Variants in PNPLA7 observed in about 807,000 individuals in gnomAD.
PNPLA7 encodes patatin-like phospholipase domain-containing protein 7.
PNPLA7 carries 153 observed loss-of-function variants against 161.7 expected under a neutral mutation model. The ratio of observed to expected loss-of-function variants is 0.95; its 90% confidence interval spans 0.83 to 1.08. The LOEUF (loss-of-function observed/expected upper bound fraction) is 1.08, where lower values mean the gene tolerates loss of function less well. PNPLA7 is among the 50% of genes least tolerant of loss of function. PNPLA7 has a pLI of 0.00. For missense variants in PNPLA7, 1,739 were observed against 1,856.6 expected (o/e 0.94, Z 1.16); for synonymous variants, 809 against 782.1 (o/e 1.03, Z -0.57).
In PNPLA7 at chr9:137,546,817, G is replaced by C. The variant is rs372629739; in HGVS notation, c.273+13C>G. 5 of 1,613,316 alleles carry C rather than the reference G, an allele frequency of 3.1e-6. No homozygotes were observed. The highest frequency in any genetic ancestry group is 4.2e-6 in the Non-Finnish European group (5 of 1,179,922). On this transcript the variant is annotated intron_variant, in intron 4 of 34. Coordinates refer to ENST00000406427, the MANE Select transcript of PNPLA7 (RefSeq NM_001098537.3). ...GAAGCCGTGTGCAGCCTGGGGCCCC[G>C]AGCAACAGCTACCTTCCTCATGATC...
At chr9:137,481,738 C>T (rs1391241813) in intron 21 of PNPLA7, among the ~76,000 whole-genome samples, 3 of 152,142 alleles carry the variant, frequency 2.0e-5, no homozygotes, top group Admixed American at 6.5e-5. Context: ...CAAGGGATCA[C>T]GAGGTCAGGA....
rs989180497 is a variant in PNPLA7 at position 137,543,350 on chromosome 9, G to A, written c.506+82C>T. 1.3e-6 allele frequency: 2 copies of A among 1,566,312 alleles called. No individual in the cohort carries two copies. Among genetic ancestry groups the A allele is most frequent in the Middle Eastern group, 2.0e-4 (1 of 5,106 alleles). ...GCCAACCATTCCCCCAACACAAGAC[G>A]GCCAAGCTGGAGCCAGGCCCCAGCG... is the stretch of plus-strand genomic sequence containing the variant. On this transcript the variant is annotated intron_variant, in intron 6 of 34. Coordinates refer to ENST00000406427, the MANE Select transcript of PNPLA7 (RefSeq NM_001098537.3). This position sits in a 1 kb window ranked among gnomAD's most constrained non-coding sequence, Gnocchi z 6.9.
At chr9:137,494,254 C>T (rs374849968) in intron 19 of PNPLA7, among the ~76,000 whole-genome samples, 12 of 152,250 alleles carry the variant, frequency 7.9e-5, no homozygotes, top group African/African-American at 2.2e-4. Context: ...CCGAGCAGCC[C>T]GCCCTGTCCT....
chr9:137,512,220 C>G (rs1312492726), intron 12 of PNPLA7, among the ~76,000 whole-genome samples: 1 of 152,276 alleles, frequency 6.6e-6, no homozygotes. Context: ...GCAGCCCCAA[C>G]AGAAATGTGT....
At chr9:137,515,290 G>A (rs1834470135) in intron 12 of PNPLA7, 89 bp downstream of exon 12, 52 of 1,495,106 alleles carry the variant, frequency 3.5e-5, no homozygotes, top group South Asian at 2.8e-4. Context: ...CCTCGGCGGC[G>A]ATGCTGGGCA....
In PNPLA7 at chr9:137,484,626, C is replaced by T. The variant is rs149697052; in HGVS notation, c.2308G>A (p.Ala770Thr). Reference sequence around the variant, plus strand: ...GCATGCTCCAGCTCCAGGGCGAAGGCGGTGAGGGGCACTTCCTCTGACACG... The same window carrying T: ...GCATGCTCCAGCTCCAGGGCGAAGGTGGTGAGGGGCACTTCCTCTGACACG... ...MPVSEEVPLT[A>T]FALELEHALS... is the part of the protein sequence containing the mutation. Residue 770 changes from alanine (A) to threonine (T), a missense_variant, in exon 21 of 35, where the codon GCC (alanine) becomes ACC (threonine). Transcript: ENST00000406427. The T allele has an allele frequency of 7.1e-5, 114 of 1,611,874 alleles. No homozygotes were observed. The highest frequency in any genetic ancestry group is 1.6e-4 in the Middle Eastern group (1 of 6,070).
intron 20 of PNPLA7, chr9:137,492,031 G>T: frequency 2.0e-6 from 2 of 985,426 alleles, no homozygotes; most frequent in Non-Finnish European, 2.4e-6. Flanking sequence ...GGAGAGAGGA[G>T]CTCCCAGAAT....
chr9:137,493,171 C>T (rs1832864219), intron 19 of PNPLA7, 89 bp from the exon 20 acceptor site: 1 of 1,352,910 alleles, frequency 7.4e-7, no homozygotes, highest in African/African-American at 1.4e-5. Context: ...AACAGCGAGA[C>T]TCAGCCAATG....
chr9:137,538,280 C>T (rs1028415265), intron 8 of PNPLA7, among the ~76,000 whole-genome samples: 7 of 152,080 alleles, frequency 4.6e-5, no homozygotes, highest in African/African-American at 1.7e-4. Context: ...GGGAGCACAA[C>T]GAGATGCCGA....
In PNPLA7 at chr9:137,495,147, C is replaced by T; in HGVS notation, c.2014-1G>A. 6 of 1,592,846 alleles carry T rather than the reference C, an allele frequency of 3.8e-6. No individual in the cohort carries two copies. The highest frequency in any genetic ancestry group is 5.1e-6 in the Non-Finnish European group (6 of 1,171,490). On this transcript the variant is annotated splice_acceptor_variant, in intron 18 of 34. Transcript: ENST00000406427. LOFTEE classifies it high-confidence loss of function. ...GGGCCTGGTGGGTCAGTGTCTCCACCTGAGGACAGGAGCCGGCTGCTGGGG... is the reference window on the plus strand; with the variant it reads ...GGGCCTGGTGGGTCAGTGTCTCCACTTGAGGACAGGAGCCGGCTGCTGGGG...
chr9:137,540,731 G>T lies in PNPLA7; in HGVS notation c.667-9C>A. ...ACCACCTCGGTGCCGTCCTGCGCTT[G>T]GAGAGCAGAGTGGGTGCCGTCAGGT... On this transcript the variant is annotated splice_polypyrimidine_tract_variant and intron_variant, in intron 7 of 34. Coordinates refer to ENST00000406427, the MANE Select transcript of PNPLA7 (RefSeq NM_001098537.3). This position sits in a 1 kb window ranked among gnomAD's most constrained non-coding sequence, Gnocchi z 5.1. 1 of 1,605,220 alleles carries T rather than the reference G, an allele frequency of 6.2e-7. No homozygotes were observed. Among genetic ancestry groups the T allele is most frequent in the East Asian group, 2.2e-5 (1 of 44,610 alleles).
chr9:137,535,953 C>G (rs1835864822), intron 8 of PNPLA7, among the ~76,000 whole-genome samples: 1 of 151,730 alleles, frequency 6.6e-6, no homozygotes, highest in Non-Finnish European at 1.5e-5. Context: ...GAGATCGAGA[C>G]CATCCTGGCT....
intron 12 of PNPLA7, chr9:137,508,794 C>A (rs185481588): frequency 6.6e-6 from 1 of 151,826 alleles, no homozygotes; most frequent in African/African-American, 2.4e-5. Context: ...GACACCACTA[C>A]GATAGTAAAA....
At position 137,521,726 on chromosome 9, in the gene PNPLA7, C is replaced by T. The variant is rs1428727244; in HGVS notation, c.877-10G>A. The T allele has an allele frequency of 6.2e-7, 1 of 1,608,466 alleles. No individual in the cohort carries two copies. Among genetic ancestry groups the T allele is most frequent in the African/African-American group, 1.3e-5 (1 of 75,008 alleles). On this transcript the variant is annotated splice_polypyrimidine_tract_variant and intron_variant, in intron 9 of 34. Coordinates refer to ENST00000406427, the MANE Select transcript of PNPLA7 (RefSeq NM_001098537.3). Reference sequence around the variant, plus strand: ...GCCGCACCATGATGATCTGCAAGAACACGCCAGCTGCGCGGTGACCACCGG... The same window carrying T: ...GCCGCACCATGATGATCTGCAAGAATACGCCAGCTGCGCGGTGACCACCGG...
At chr9:137,546,739 A>G in intron 4 of PNPLA7, 91 bp downstream of exon 4, 1 of 1,227,818 alleles carries the variant, frequency 8.1e-7, no homozygotes, top group Non-Finnish European at 1.2e-6. Context: ...AGCACTGCCC[A>G]GCCTGGGGGA....
In PNPLA7 at chr9:137,501,318, C is replaced by A. The variant is rs1268105392; in HGVS notation, c.1551+332G>T. ...CACGCCACGCGTTTTGGTCCCACATCTGCAGATGTACCCATGAAACCACTC... is the reference window on the plus strand; with the variant it reads ...CACGCCACGCGTTTTGGTCCCACATATGCAGATGTACCCATGAAACCACTC... On this transcript the variant is annotated intron_variant, in intron 15 of 34. Coordinates refer to ENST00000406427, the MANE Select transcript of PNPLA7 (RefSeq NM_001098537.3). 4.6e-5 allele frequency among the ~76,000 whole-genome samples: 7 copies of A among 152,246 alleles called. No homozygotes were observed. The East Asian group carries it at 1.2e-3, about 25-fold the overall frequency.
At chr9:137,489,816 A>AG (rs779983601) in intron 20 of PNPLA7, among the ~76,000 whole-genome samples, 9 of 152,202 alleles carry the variant, frequency 5.9e-5, no homozygotes, top group Non-Finnish European at 1.0e-4. Context: ...CATCAGAGAG[A>AG]GAAAAAAAAG....
intron 25 of PNPLA7, among the ~76,000 whole-genome samples, chr9:137,471,703 G>T (rs116828006): frequency 6.6e-6 from 1 of 151,728 alleles, no homozygotes. Flanking sequence ...ACTGAAGACC[G>T]CAAATCATGG....
At chr9:137,474,783 C>A (rs537611897) in intron 25 of PNPLA7, among the ~76,000 whole-genome samples, 104 of 146,746 alleles carry the variant, frequency 7.1e-4, no homozygotes, top group Non-Finnish European at 1.4e-3. Flanking sequence ...GAGGCCAAGG[C>A]AGGCGGATCA....
Sources: allele counts gnomAD v4.1 joint callset (sites outside exome capture counted in the v4.1 genomes callset), GRCh38; gene constraint gnomAD v4.1.1; non-coding constraint Gnocchi (gnomAD v3.1); transcripts MANE v1.5; gene names NCBI Gene and HGNC (gene_info 2026-07-23, HGNC 2026-07-21).